The following FSHR variants were observed in gnomAD, a reference collection of about 807,000 sequenced individuals.
FSHR encodes follicle-stimulating hormone receptor.
Under a neutral mutation model 52.1 loss-of-function variants are expected in FSHR, and 46 were observed. That is an observed-to-expected ratio of 0.88 (90% CI 0.70 to 1.13). The LOEUF is 1.13. Among genes scored for constraint, FSHR ranks in the 50% most tolerant of loss-of-function variants. The probability of loss-of-function intolerance (pLI) is 0.00; values close to 1 mark genes in which losing one functional copy is unlikely to be tolerated. For synonymous variants in FSHR, 399 were observed against 309.6 expected, an observed-to-expected ratio of 1.29 and a Z score of -3.03; for missense variants, 964 against 834.6, an observed-to-expected ratio of 1.16 and a Z score of -1.91.
At chr2:49,098,299 T>C (rs912515408) in intron 1 of FSHR, among the ~76,000 whole-genome samples, 1 of 152,054 alleles carries the variant, frequency 6.6e-6, no homozygotes, top group Non-Finnish European at 1.5e-5. Context: ...TGCATAAAAA[T>C]AATTATAAAG....
chr2:48,979,715 A>G (rs1171722763), intron 8 of FSHR, among the ~76,000 whole-genome samples: 1 of 152,110 alleles, frequency 6.6e-6, no homozygotes, highest in African/African-American at 2.4e-5. Context: ...TTGCAAATGC[A>G]TTACCCTGAT....
intron 2 of FSHR, among the ~76,000 whole-genome samples, chr2:49,046,983 G>C (rs532370561): frequency 6.6e-6 from 1 of 151,862 alleles, no homozygotes; most frequent in African/African-American, 2.4e-5. Flanking sequence ...TGATGAATTA[G>C]CTGGTGTCAT....
intron 2 of FSHR, among the ~76,000 whole-genome samples, chr2:49,024,022 T>G (rs1417041834): frequency 6.6e-6 from 1 of 152,124 alleles, no homozygotes; most frequent in Non-Finnish European, 1.5e-5. Context: ...AGCATGAAAT[T>G]TCAACCTCTT....
intron 2 of FSHR, among the ~76,000 whole-genome samples, chr2:49,024,745 C>G (rs1309637268): frequency 1.3e-5 from 2 of 152,162 alleles, no homozygotes; most frequent in African/African-American, 4.8e-5. Flanking sequence ...CAAAATATTT[C>G]TCCCTAACTC....
rs542381649 is a variant in FSHR, at chr2:49,050,076, A to G, written c.224+18143T>C. Among the ~76,000 whole-genome samples the G allele has an allele frequency of 2.4e-3, 372 of 152,240 alleles. 1 individual carries two copies. Among genetic ancestry groups the G allele is most frequent in the African/African-American group, 8.5e-3 (352 of 41,542 alleles). ...AGCTTCTTGTGTTCTTGGTTGAAGC[A>G]ATAAATATAACAAAAATAGTTATTT... On this transcript the variant is annotated intron_variant, in intron 2 of 9. Coordinates refer to ENST00000406846, the MANE Select transcript of FSHR (RefSeq NM_000145.4).
chr2:49,104,851 A>C, intron 1 of FSHR, among the ~76,000 whole-genome samples: 1 of 140,346 alleles, frequency 7.1e-6, no homozygotes. Flanking sequence ...GGGGTGGGAA[A>C]GAGATGGGGG....
intron 1 of FSHR, among the ~76,000 whole-genome samples, chr2:49,083,229 CA>C (rs1377539208): frequency 6.7e-6 from 1 of 149,026 alleles, no homozygotes; most frequent in African/African-American, 2.5e-5. Flanking sequence ...CCCAGAATTT[CA>C]TATCCAGCCA....
intron 8 of FSHR, among the ~76,000 whole-genome samples, chr2:48,978,072 C>T (rs767938276): frequency 1.4e-4 from 21 of 152,130 alleles, no homozygotes; most frequent in Admixed American, 7.9e-4. Flanking sequence ...ACAGAAGAGA[C>T]TTAGTAATTT....
chr2:49,134,579 G>T (rs1558460772), intron 1 of FSHR, among the ~76,000 whole-genome samples: 1 of 152,116 alleles, frequency 6.6e-6, no homozygotes, highest in Non-Finnish European at 1.5e-5. Context: ...ATACCCAAAG[G>T]ATTATAAATC....
chr2:49,085,618 A>G (rs1670352685), intron 1 of FSHR, among the ~76,000 whole-genome samples: 1 of 152,216 alleles, frequency 6.6e-6, no homozygotes, highest in Non-Finnish European at 1.5e-5. Flanking sequence ...TACTGGGTAT[A>G]TACCCAAAGG....
At chr2:49,090,777 G>A (rs1047441924) in intron 1 of FSHR, among the ~76,000 whole-genome samples, 11 of 152,174 alleles carry the variant, frequency 7.2e-5, no homozygotes, top group Admixed American at 6.5e-4. Flanking sequence ...TCAGCATGCA[G>A]TAGTCAGTTT....
intron 8 of FSHR, among the ~76,000 whole-genome samples, chr2:48,970,580 A>G (rs1269856806): frequency 6.6e-6 from 1 of 152,134 alleles, no homozygotes. Flanking sequence ...CCTTCTGACT[A>G]TACCCAATCT....
intron 1 of FSHR, among the ~76,000 whole-genome samples, chr2:49,113,961 A>G (rs888451748): frequency 1.8e-4 from 27 of 152,192 alleles, no homozygotes; most frequent in Non-Finnish European, 4.4e-5. Context: ...AGAACATGGA[A>G]TAATCAAGGC....
intron 2 of FSHR, among the ~76,000 whole-genome samples, chr2:49,063,881 A>G (rs1669406710): frequency 6.6e-6 from 1 of 152,154 alleles, no homozygotes; most frequent in African/African-American, 2.4e-5. Flanking sequence ...TATGTTAATT[A>G]CCCTGATTTG....
intron 2 of FSHR, among the ~76,000 whole-genome samples, chr2:49,040,414 G>T (rs1668440609): frequency 6.6e-6 from 1 of 151,942 alleles, no homozygotes; most frequent in African/African-American, 2.4e-5. Flanking sequence ...TTCTATATAA[G>T]TTACTCAATT....
chr2:49,052,372 C>G (rs916931378), intron 2 of FSHR, among the ~76,000 whole-genome samples: 2 of 152,158 alleles, frequency 1.3e-5, no homozygotes, highest in Admixed American at 6.6e-5. Flanking sequence ...ACTTTACATA[C>G]TCATGAATGT....
chr2:49,067,017 T>A (rs746042034), intron 2 of FSHR, among the ~76,000 whole-genome samples: 55 of 152,186 alleles, frequency 3.6e-4, no homozygotes, highest in Admixed American at 2.8e-3. Context: ...TAGTTGAATG[T>A]CCTCAATGAG....
At chr2:49,084,050 C>T (rs1312920738) in intron 1 of FSHR, among the ~76,000 whole-genome samples, 1 of 151,564 alleles carries the variant, frequency 6.6e-6, no homozygotes, top group Non-Finnish European at 1.5e-5. Flanking sequence ...ACATTTTTTT[C>T]AGCACCACAC....
At chr2:48,990,531 TAA>T (rs768356076) in intron 5 of FSHR, 33 bp downstream of exon 5, 2 of 1,345,632 alleles carry the variant, frequency 1.5e-6, no homozygotes, top group South Asian at 2.3e-5. Context: ...AGATACTGAG[TAA>T]AGAGTTGGTA....
Sources: gnomAD v4.1 joint callset for allele counts (sites outside exome capture counted in the v4.1 genomes callset) on GRCh38, gnomAD v4.1.1 for gene constraint, MANE v1.5 for transcripts, NCBI Gene and HGNC (gene_info 2026-07-23, HGNC 2026-07-21) for gene names.